The following ARHGAP28 variants were observed in gnomAD, a reference collection of about 807,000 sequenced individuals.
ARHGAP28 encodes Rho GTPase activating protein 28.
ARHGAP28 carries 56 observed loss-of-function variants against 90.7 expected under a neutral mutation model. The ratio of observed to expected loss-of-function variants is 0.62; its 90% CI spans 0.50 to 0.77. The LOEUF (loss-of-function observed/expected upper bound fraction) is 0.77, where lower values mean the gene tolerates loss of function less well. Ranked by LOEUF, ARHGAP28 falls within the 30% of genes least tolerant of loss-of-function variation. ARHGAP28 has a pLI of 0.00. For missense variants in ARHGAP28, 869 were observed against 900.9 expected (o/e 0.96, Z 0.45); for synonymous variants, 308 against 323.3 (o/e 0.95, Z 0.51).
At chr18:6,877,910 A>G (rs1207431393) in intron 10 of ARHGAP28, among the ~76,000 whole-genome samples, 2 of 152,102 alleles carry the variant, frequency 1.3e-5, no homozygotes, top group Non-Finnish European at 2.9e-5. Flanking sequence ...ACCTCTGTCC[A>G]TAATTGGGAA....
At chr18:6,877,939 C>T (rs1212732118) in intron 10 of ARHGAP28, among the ~76,000 whole-genome samples, 2 of 152,008 alleles carry the variant, frequency 1.3e-5, no homozygotes, top group Admixed American at 6.6e-5. Context: ...TGCACATATT[C>T]TTACTGGTTC....
chr18:6,914,378 G>T lies in ARHGAP28; in HGVS notation c.*2224G>T, dbSNP rs1450008557. 3 of 152,120 alleles carry T rather than the reference G, an allele frequency of 2.0e-5. No homozygotes were observed. Among genetic ancestry groups the T allele is most frequent in the African/African-American group, 4.8e-5 (2 of 41,428 alleles). The allele number at this position is 152,120 out of a possible 1,614,324, so 9.4% of individuals were successfully genotyped here. A position where few individuals can be genotyped will look rare whatever the true frequency, so the allele number is the denominator to read the frequency against. On this transcript the variant is annotated 3_prime_UTR_variant, in exon 18 of 18. Transcript: ENST00000383472. ...TCAACTTCCATACGTATATATGTAT[G>T]TATGGAAGGCCATGTCAATACTAGT...
intron 1 of ARHGAP28, among the ~76,000 whole-genome samples, chr18:6,734,862 C>T (rs756428166): frequency 1.4e-4 from 21 of 152,098 alleles, no homozygotes; most frequent in Non-Finnish European, 2.5e-4. Context: ...ATAGGTCATT[C>T]TTTATGTTAT....
At chr18:6,776,280 G>GA (rs889949087) in intron 1 of ARHGAP28, among the ~76,000 whole-genome samples, 2 of 152,212 alleles carry the variant, frequency 1.3e-5, no homozygotes, top group African/African-American at 4.8e-5. Flanking sequence ...CCGAGTGCAG[G>GA]AATGTGTTTT....
In ARHGAP28 at chr18:6,839,407, C is replaced by CT. The variant is rs2056783017; in HGVS notation, c.543+1993_543+1994insT. Among the ~76,000 whole-genome samples, 3 of 152,010 alleles carry CT rather than the reference C, an allele frequency of 2.0e-5. No individual in the cohort carries two copies. In the South Asian group the frequency reaches 6.2e-4, roughly 32 times the overall value. ...CTCCCGGGTTCACGCCATTCTCCCC[C>CT]CTCAGCCTCCCGAGTAACTGGGACT... On this transcript the variant is annotated intron_variant, in intron 3 of 17. Transcript: ENST00000383472.
intron 11 of ARHGAP28, 99 bp downstream of exon 11, chr18:6,882,398 T>G (rs1415360424): frequency 5.0e-6 from 6 of 1,207,382 alleles, no homozygotes; most frequent in Non-Finnish European, 6.8e-6. Flanking sequence ...TGTATAGATT[T>G]GCTGTGTCCT....
At chr18:6,826,683 C>CTTTTTTTTTTTTTTTTTTT in intron 2 of ARHGAP28, among the ~76,000 whole-genome samples, 1 of 88,262 alleles carries the variant, frequency 1.1e-5, no homozygotes, top group Non-Finnish European at 2.0e-5. Flanking sequence ...GGATTTTGAG[C>CTTTTTTTTTTTTTTTTTTT]TTTTTTTTTT....
intron 4 of ARHGAP28, among the ~76,000 whole-genome samples, chr18:6,852,939 T>A (rs1408922763): frequency 6.6e-6 from 1 of 152,168 alleles, no homozygotes; most frequent in Non-Finnish European, 1.5e-5. Context: ...TGTGATCTGA[T>A]TGGATCTTGC....
chr18:6,772,161 TCTAAA>T (rs1210444280), intron 1 of ARHGAP28, among the ~76,000 whole-genome samples: 1 of 152,210 alleles, frequency 6.6e-6, no homozygotes, highest in Non-Finnish European at 1.5e-5. Context: ...TTAGGTATAC[TCTAAA>T]CTAAGCTAAA....
chr18:6,797,719 C>G (rs2056451509), intron 1 of ARHGAP28, among the ~76,000 whole-genome samples: 1 of 151,074 alleles, frequency 6.6e-6, no homozygotes, highest in African/African-American at 2.4e-5. Flanking sequence ...TGGAGTGCAA[C>G]AACGCGATCT....
intron 3 of ARHGAP28, among the ~76,000 whole-genome samples, chr18:6,845,779 A>G (rs2056861631): frequency 6.6e-6 from 1 of 152,226 alleles, no homozygotes; most frequent in Non-Finnish European, 1.5e-5. Flanking sequence ...GCTGCATAGT[A>G]TTCCATGGTA....
intron 1 of ARHGAP28, among the ~76,000 whole-genome samples, chr18:6,732,098 TA>T (rs1198761342): frequency 3.8e-5 from 1 of 26,644 alleles, no homozygotes; most frequent in African/African-American, 4.5e-5. Flanking sequence ...TATATGTTTT[TA>T]AGGTTTTTTT....
intron 3 of ARHGAP28, among the ~76,000 whole-genome samples, chr18:6,849,562 C>G (rs147245844): frequency 7.2e-5 from 11 of 152,290 alleles, no homozygotes; most frequent in African/African-American, 2.6e-4. Flanking sequence ...AGAAATGTCT[C>G]TGGATACTAA....
In ARHGAP28 at chr18:6,827,649, C is replaced by A. The variant is rs868646462; in HGVS notation, c.325+2685C>A. Among the ~76,000 whole-genome samples the A allele has an allele frequency of 2.6e-5, 4 of 151,024 alleles. No individual in the cohort carries two copies. The South Asian group carries it at 6.3e-4, about 24-fold the overall frequency. On this transcript the variant is annotated intron_variant, in intron 2 of 17. Coordinates refer to ENST00000383472, the MANE Select transcript of ARHGAP28 (RefSeq NM_001366230.1). ...GGCCGGCAGGGGGGCTGACCCCCCCCCCACCTCCCTCCTGGATGGGGCGGC... is the reference window on the plus strand; with the variant it reads ...GGCCGGCAGGGGGGCTGACCCCCCCACCACCTCCCTCCTGGATGGGGCGGC...
At chr18:6,788,055 C>A (rs2056379045) in intron 1 of ARHGAP28, among the ~76,000 whole-genome samples, 1 of 152,180 alleles carries the variant, frequency 6.6e-6, no homozygotes, top group African/African-American at 2.4e-5. Context: ...AGGTCTGGAT[C>A]TGTGTCCCTG....
At position 6,851,033 on chromosome 18, in the gene ARHGAP28, G is replaced by A; in HGVS notation, c.544-1G>A. On this transcript the variant is annotated splice_acceptor_variant, in intron 3 of 17. Coordinates refer to ENST00000383472, the MANE Select transcript of ARHGAP28 (RefSeq NM_001366230.1). LOFTEE classifies it high-confidence loss of function. Reference sequence around the variant, plus strand: ...AACGTGGCTTTCATTTCTTCCGTTAGCCTCGTGATACCTGTGGCAACCACA... The same window carrying A: ...AACGTGGCTTTCATTTCTTCCGTTAACCTCGTGATACCTGTGGCAACCACA... The A allele has an allele frequency of 2.5e-6, 4 of 1,613,996 alleles. No homozygotes were observed. Among genetic ancestry groups the A allele is most frequent in the South Asian group, 1.1e-5 (1 of 91,058 alleles).
intron 16 of ARHGAP28, among the ~76,000 whole-genome samples, chr18:6,900,212 AAATT>A (rs1337719160): frequency 6.6e-6 from 1 of 152,162 alleles, no homozygotes; most frequent in African/African-American, 2.4e-5. Context: ...CAAAAAATGA[AAATT>A]AAATAAGCCC....
intron 4 of ARHGAP28, among the ~76,000 whole-genome samples, chr18:6,858,205 G>A (rs537920811): frequency 2.0e-5 from 3 of 151,868 alleles, no homozygotes; most frequent in South Asian, 4.2e-4. Flanking sequence ...ACATATTTAC[G>A]GCAAGAGAGG....
intron 16 of ARHGAP28, among the ~76,000 whole-genome samples, chr18:6,905,990 A>G (rs2057362807): frequency 1.3e-5 from 2 of 152,272 alleles, no homozygotes; most frequent in South Asian, 4.1e-4. Context: ...GTTTAATGCA[A>G]TTCCTGTCAA....
Sources: gnomAD v4.1 joint callset for allele counts (sites outside exome capture counted in the v4.1 genomes callset) on GRCh38, gnomAD v4.1.1 for gene constraint, MANE v1.5 for transcripts, NCBI Gene and HGNC (gene_info 2026-07-23, HGNC 2026-07-21) for gene names.